Variants in PRKN observed in about 807,000 individuals in gnomAD.
PRKN encodes the protein parkin RBR E3 ubiquitin protein ligase, also known as E3 ubiquitin-protein ligase parkin.
In PRKN, 56 loss-of-function variants were observed where a neutral mutation model predicts 59.5. That is an observed-to-expected ratio of 0.94 (90% confidence interval 0.76 to 1.18). The LOEUF (loss-of-function observed/expected upper bound fraction) is 1.18, where lower values mean the gene tolerates loss of function less well. Ranked by LOEUF, PRKN falls within the 50% of genes most tolerant of loss-of-function variation. PRKN has a pLI of 0.00. For synonymous variants in PRKN, 250 were observed against 222.1 expected (o/e 1.13, Z -1.12); for missense variants, 657 against 596.4 (o/e 1.10, Z -1.06).
chr6:161,801,914 C>T (rs555055527), intron 6 of PRKN, among the ~76,000 whole-genome samples: 2 of 152,208 alleles, frequency 1.3e-5, no homozygotes, highest in South Asian at 2.1e-4. Flanking sequence ...GGTTTTCATT[C>T]CTTCATTCAA....
At chr6:161,985,292 G>A (rs568106794) in intron 5 of PRKN, among the ~76,000 whole-genome samples, 2 of 152,148 alleles carry the variant, frequency 1.3e-5, no homozygotes, top group South Asian at 2.1e-4. Flanking sequence ...AGAACATAAC[G>A]GCACCCAAAA....
At chr6:162,339,991 C>G (rs1215926946) in intron 2 of PRKN, among the ~76,000 whole-genome samples, 1 of 147,814 alleles carries the variant, frequency 6.8e-6, no homozygotes, top group Non-Finnish European at 1.5e-5. Flanking sequence ...ATCAGGGACA[C>G]AAACACTGCG....
At position 161,545,252 on chromosome 6, in the gene PRKN, C is replaced by A. The variant is rs1583211925; in HGVS notation, c.1083+3602G>T. 2.2e-6 allele frequency: 3 copies of A among 1,393,840 alleles called. No individual in the cohort carries two copies. Among genetic ancestry groups the A allele is most frequent in the Non-Finnish European group, 2.8e-6 (3 of 1,072,632 alleles). The allele number at this position is 1,393,840 out of a possible 1,614,324, so 86.3% of individuals were successfully genotyped here. The stretch of plus-strand genomic sequence containing the variant: ...TAAGCACGGGTGAATTCACAGGCAT[C>A]TTACAATAAATCTGTGAACCACATC... On this transcript the variant is annotated intron_variant, in intron 9 of 11. Coordinates refer to ENST00000366898, the MANE Select transcript of PRKN (RefSeq NM_004562.3). The surrounding 1 kb of genome is among the most constrained non-coding windows in gnomAD (Gnocchi z 4.1).
intron 1 of PRKN, among the ~76,000 whole-genome samples, chr6:162,622,506 G>T (rs1485034492): frequency 6.6e-6 from 1 of 151,978 alleles, no homozygotes; most frequent in East Asian, 1.9e-4. Flanking sequence ...TCTGCTGAGG[G>T]TATTAATTAG....
At chr6:161,528,766 G>A (rs189965846) in intron 9 of PRKN, among the ~76,000 whole-genome samples, 20 of 152,302 alleles carry the variant, frequency 1.3e-4, no homozygotes, top group African/African-American at 2.4e-4. Flanking sequence ...TGCCTCAGGA[G>A]ATGGTATAAT....
chr6:162,075,679 A>G (rs1778792244), intron 4 of PRKN, among the ~76,000 whole-genome samples: 2 of 152,070 alleles, frequency 1.3e-5, no homozygotes, highest in South Asian at 4.1e-4. Context: ...AAAGGCATGT[A>G]TCACTGAAGT....
At position 161,419,576 on chromosome 6, in the gene PRKN, C is replaced by T. The variant is rs1787997234; in HGVS notation, c.1084-32699G>A. ...CTAATTTTTGTATTTTTTTAAAAAA[C>T]GGGGTTTCACCATGTTGACCAGGCT... On this transcript the variant is annotated intron_variant, in intron 9 of 11. Transcript: ENST00000366898. This position sits in a 1 kb window ranked among gnomAD's most constrained non-coding sequence, Gnocchi z 4.1. Among the ~76,000 whole-genome samples the T allele has an allele frequency of 1.3e-5, 2 of 151,634 alleles. No individual in the cohort carries two copies. The highest frequency in any genetic ancestry group is 2.4e-5 in the African/African-American group (1 of 41,278).
At chr6:161,509,734 G>T (rs1000972530) in intron 9 of PRKN, among the ~76,000 whole-genome samples, 1 of 151,860 alleles carries the variant, frequency 6.6e-6, no homozygotes, top group Non-Finnish European at 1.5e-5. Flanking sequence ...ACAAAAATTA[G>T]CTGTGTGTGG....
chr6:162,517,923 A>G (rs73037939), intron 1 of PRKN, among the ~76,000 whole-genome samples: 13,624 of 152,258 alleles, frequency 0.089, 661 homozygotes, highest in South Asian at 0.17. Context: ...TTCTTTCCTC[A>G]ATTGTCATTT....
intron 1 of PRKN, among the ~76,000 whole-genome samples, chr6:162,550,552 T>C (rs538444681): frequency 6.6e-6 from 1 of 152,218 alleles, no homozygotes; most frequent in Non-Finnish European, 1.5e-5. Flanking sequence ...CTCCTAGGGG[T>C]ATGTAAGTCA....
intron 7 of PRKN, among the ~76,000 whole-genome samples, chr6:161,656,416 A>C (rs990539475): frequency 1.3e-5 from 2 of 152,108 alleles, no homozygotes; most frequent in African/African-American, 4.8e-5. Context: ...AGAACACAGC[A>C]TTAGGGGTTC....
chr6:161,646,096 G>A (rs1783929824), intron 7 of PRKN, among the ~76,000 whole-genome samples: 2 of 95,958 alleles, frequency 2.1e-5, no homozygotes, highest in African/African-American at 7.5e-5. Flanking sequence ...CGTGCGTGGC[G>A]GAGGAGGCGG....
At chr6:162,400,319 T>C (rs1468059855) in intron 2 of PRKN, among the ~76,000 whole-genome samples, 2 of 151,974 alleles carry the variant, frequency 1.3e-5, no homozygotes, top group Non-Finnish European at 2.9e-5. Flanking sequence ...AACACCAGAT[T>C]ATAACTTATT....
chr6:162,026,940 A>G (rs1348959266), intron 5 of PRKN, among the ~76,000 whole-genome samples: 1 of 152,182 alleles, frequency 6.6e-6, no homozygotes, highest in East Asian at 1.9e-4. Context: ...TACTTCAGGC[A>G]TTTTCTCATT....
intron 6 of PRKN, among the ~76,000 whole-genome samples, chr6:161,850,623 G>A (rs1406543777): frequency 6.9e-6 from 1 of 145,726 alleles, no homozygotes; most frequent in African/African-American, 2.5e-5. Context: ...ATATCTAAAA[G>A]TTTTTTTCTT....
chr6:161,684,792 G>GAA (rs71716386), intron 7 of PRKN, among the ~76,000 whole-genome samples: 320 of 136,368 alleles, frequency 2.3e-3, no homozygotes, highest in African/African-American at 7.8e-3. Context: ...TTTTTAAAAG[G>GAA]AAAAAAAAAA....
At chr6:161,987,062 T>A (rs1472600659) in intron 5 of PRKN, among the ~76,000 whole-genome samples, 1 of 152,218 alleles carries the variant, frequency 6.6e-6, no homozygotes, top group Non-Finnish European at 1.5e-5. Context: ...TCGTGTCTTC[T>A]TTATTGCAGG....
chr6:162,497,682 C>T (rs1009807653), intron 1 of PRKN, among the ~76,000 whole-genome samples: 4 of 152,114 alleles, frequency 2.6e-5, no homozygotes, highest in Admixed American at 2.0e-4. Flanking sequence ...TGAGTCTAGG[C>T]GCCTCCACTT....
rs1197155614 is a variant in PRKN at position 161,456,513 on chromosome 6, T to C, written c.1084-69636A>G. ...GCTCCTCAGCTTGCAGACAGTCTAT[T>C]GTGGGACTTCTCCTTGTGATCGTGT... On this transcript the variant is annotated intron_variant, in intron 9 of 11. Transcript: ENST00000366898. This position sits in a 1 kb window ranked among gnomAD's most constrained non-coding sequence, Gnocchi z 4.8. Among the ~76,000 whole-genome samples the C allele has an allele frequency of 6.6e-6, 1 of 152,172 alleles. No homozygotes were observed. Among genetic ancestry groups the C allele is most frequent in the East Asian group, 1.9e-4 (1 of 5,174 alleles).
Sources: gnomAD v4.1 joint callset for allele counts (sites outside exome capture counted in the v4.1 genomes callset) on GRCh38, gnomAD v4.1.1 for gene constraint, Gnocchi (gnomAD v3.1) non-coding constraint, MANE v1.5 for transcripts, NCBI Gene and HGNC (gene_info 2026-07-23, HGNC 2026-07-21) for gene names.